Variants in IGSF3 observed in about 807,000 individuals in gnomAD.
The protein encoded by IGSF3 is glu-Trp-Ile EWI motif-containing protein 3.
IGSF3 carries 23 observed loss-of-function variants against 114.4 expected under a neutral mutation model. The observed-to-expected ratio is 0.20, with a 90% CI of 0.14 to 0.28. The LOEUF is 0.28. IGSF3 is among the 10% of genes least tolerant of loss of function. IGSF3 has a pLI of 1.00. For synonymous variants in IGSF3, 571 were observed against 645.2 expected (o/e 0.88, Z 1.74); for missense variants, 1,172 against 1,591.5 (o/e 0.74, Z 4.48).
chr1:116,609,355 TC>T (rs1660924206), intron 4 of IGSF3, among the ~76,000 whole-genome samples: 1 of 152,028 alleles, frequency 6.6e-6, no homozygotes, highest in African/African-American at 2.4e-5. Flanking sequence ...CCAGCCATCC[TC>T]CCACCTCAGC....
intron 2 of IGSF3, among the ~76,000 whole-genome samples, chr1:116,659,789 T>C (rs964194069): frequency 2.0e-5 from 3 of 152,222 alleles, no homozygotes; most frequent in Non-Finnish European, 4.4e-5. Flanking sequence ...CTAATGTTTT[T>C]GATTTTTAGT....
chr1:116,579,647 G>GGTCGTC lies in IGSF3; in HGVS notation c.3073_3078dup (p.Asp1025_Asp1026dup), dbSNP rs531457319. ...CTCAGCAGGGCCGTCCGCTCTGTTGGGTCGTCGTCGTCGTCGTCGTCCTCC... is the reference window on the plus strand; with the variant it reads ...CTCAGCAGGGCCGTCCGCTCTGTTGGGTCGTCGTCGTCGTCGTCGTCGTCGTCCTCC... On this transcript the variant is annotated inframe_insertion, in exon 10 of 11. Transcript: ENST00000369486. This position sits in a 1 kb window ranked among gnomAD's most constrained non-coding sequence, Gnocchi z 6.4. 232 of 1,595,828 alleles carry GGTCGTC rather than the reference G, an allele frequency of 1.5e-4. No homozygotes were observed. The African/African-American group carries it at 1.7e-3, about 12-fold the overall frequency.
chr1:116,604,825 C>A (rs867278422), intron 5 of IGSF3, among the ~76,000 whole-genome samples: 3 of 152,186 alleles, frequency 2.0e-5, no homozygotes, highest in Non-Finnish European at 4.4e-5. Context: ...TATCTGAATT[C>A]ACTCAATCAA....
At chr1:116,641,495 C>CAAA (rs57930787) in intron 2 of IGSF3, among the ~76,000 whole-genome samples, 494 of 39,286 alleles carry the variant, frequency 0.013, 2 homozygotes, top group Non-Finnish European at 0.014. Context: ...GACTCTGTCT[C>CAAA]AAAAAAAAAA....
chr1:116,579,578 C>T lies in IGSF3; in HGVS notation c.3148G>A (p.Glu1050Lys). The T allele has an allele frequency of 6.2e-7, 1 of 1,614,196 alleles. No homozygotes were observed. Among genetic ancestry groups the T allele is most frequent in the Non-Finnish European group, 8.5e-7 (1 of 1,180,042 alleles). The change falls in exon 10 of 11, where the codon GAG (glutamate) becomes AAG (lysine). Residue 1050 changes from glutamate (E) to lysine (K), a missense_variant. Physicochemically the swap from Glu to Lys is moderately conservative, Grantham distance 56 (BLOSUM62 1). Coordinates refer to ENST00000369486, the MANE Select transcript of IGSF3 (RefSeq NM_001007237.3). The surrounding 1 kb of genome is among the most constrained non-coding windows in gnomAD (Gnocchi z 6.4). ...AGCCTCTGGAAGCGAAGCCTGCCCT[C>T]CCAAGGACTGCCCTCTGGGCCAAAG... is the stretch of plus-strand genomic sequence containing the variant. ...AVFGPEGSPW[E>K]GRLRFQRLSP...
Position 116,627,829 on chromosome 1 carries a change from T to TA in IGSF3, c.44-11373dup, listed in dbSNP as rs1647367439. ...ACACTAGGCCATGGAGACACAAAAC[T>TA]AGAAAATGGGGCTGCCTAGCTAGGA... On this transcript the variant is annotated intron_variant, in intron 2 of 10. Transcript: ENST00000369486. The surrounding 1 kb of genome is among the most constrained non-coding windows in gnomAD (Gnocchi z 4.7). Among the ~76,000 whole-genome samples, 1 of 151,996 alleles carries TA rather than the reference T, an allele frequency of 6.6e-6. No individual in the cohort carries two copies. The highest frequency in any genetic ancestry group is 2.4e-5 in the African/African-American group (1 of 41,366).
rs1338002281 is a variant in IGSF3 at position 116,625,840 on chromosome 1, G to A, written c.44-9383C>T. On this transcript the variant is annotated intron_variant, in intron 2 of 10. Coordinates refer to ENST00000369486, the MANE Select transcript of IGSF3 (RefSeq NM_001007237.3). This position sits in a 1 kb window ranked among gnomAD's most constrained non-coding sequence, Gnocchi z 4.7. The stretch of plus-strand genomic sequence containing the variant: ...TTATTGATACTACTTCTAAGAAGAT[G>A]TAACTGCCAGCTACAGAACCATCCA... Among the ~76,000 whole-genome samples, 2 of 152,224 alleles carry A rather than the reference G, an allele frequency of 1.3e-5. No individual in the cohort carries two copies. Among genetic ancestry groups the A allele is most frequent in the East Asian group, 1.9e-4 (1 of 5,206 alleles).
chr1:116,630,207 C>T (rs1647493850), intron 2 of IGSF3, among the ~76,000 whole-genome samples: 1 of 152,178 alleles, frequency 6.6e-6, no homozygotes, highest in Non-Finnish European at 1.5e-5. Context: ...TGGTGGCAAG[C>T]CCTGCCCAGA....
At chr1:116,591,093 C>G (rs1446095137) in intron 7 of IGSF3, among the ~76,000 whole-genome samples, 1 of 151,626 alleles carries the variant, frequency 6.6e-6, no homozygotes, top group Non-Finnish European at 1.5e-5. Flanking sequence ...CAATCTTCTG[C>G]CTTCTCCCTT....
rs1464667021 is a variant in IGSF3, at chr1:116,647,695, G to T, written c.43+18589C>A. ...TGTTGTCTGGGCGGACAGAGGCAAG[G>T]ATGACCGGAACAAGACAAACAAACG... On this transcript the variant is annotated intron_variant, in intron 2 of 10. Coordinates refer to ENST00000369486, the MANE Select transcript of IGSF3 (RefSeq NM_001007237.3). The surrounding 1 kb of genome is among the most constrained non-coding windows in gnomAD (Gnocchi z 4.6). Among the ~76,000 whole-genome samples, 1 of 152,222 alleles carries T rather than the reference G, an allele frequency of 6.6e-6. No homozygotes were observed. Among genetic ancestry groups the T allele is most frequent in the African/African-American group, 2.4e-5 (1 of 41,444 alleles).
Position 116,616,452 on chromosome 1 carries a change from C to T in IGSF3, c.49G>A (p.Val17Met). 7 of 1,591,332 alleles carry T rather than the reference C, an allele frequency of 4.4e-6. No individual in the cohort carries two copies. Among genetic ancestry groups the T allele is most frequent in the Non-Finnish European group, 6.0e-6 (7 of 1,164,298 alleles). The change falls in exon 3 of 11, where the codon GTG becomes ATG. Residue 17 changes from valine to methionine, a missense_variant. Transcript: ENST00000369486. The surrounding 1 kb of genome is among the most constrained non-coding windows in gnomAD (Gnocchi z 6.6). ...ACGGTGACCTGCCGCTGTGCTGACACCACACCTACGAGGGAGAGAAACACA... is the reference window on the plus strand; with the variant it reads ...ACGGTGACCTGCCGCTGTGCTGACATCACACCTACGAGGGAGAGAAACACA... ...VLSCLAVLGV[V>M]SAQRQVTVQE...
In IGSF3 at chr1:116,588,809, G is replaced by A. The variant is rs774310430; in HGVS notation, c.2325C>T (p.Ser775=). 9.3e-6 allele frequency: 15 copies of A among 1,613,906 alleles called. No individual in the cohort carries two copies. Among genetic ancestry groups the A allele is most frequent in the Admixed American group, 1.7e-5 (1 of 60,000 alleles). The part of the protein sequence containing the change: ...FSLTVQRAEV[S]DSGSYYCHVE... ...CGTGGCAGTAGTAGCTGCCGCTGTCGCTGACCTCGGCTCTCTGGACGGTGA... is the reference window on the plus strand; with the variant it reads ...CGTGGCAGTAGTAGCTGCCGCTGTCACTGACCTCGGCTCTCTGGACGGTGA... Residue 775 remains serine (S), a synonymous_variant, in exon 8 of 11, where the codon AGC becomes AGT. Transcript: ENST00000369486. This position sits in a 1 kb window ranked among gnomAD's most constrained non-coding sequence, Gnocchi z 4.9.
At position 116,615,988 on chromosome 1, in the gene IGSF3, T is replaced by C. The variant is rs573133285; in HGVS notation, c.421+92A>G. 1.5e-3 allele frequency: 1,754 copies of C among 1,135,144 alleles called. 2 individuals are homozygous for C. The highest frequency in any genetic ancestry group is 1.6e-3 in the Non-Finnish European group (1,248 of 798,238). 70.3% of individuals were successfully genotyped at this position (1,135,144 alleles called of 1,614,324 possible). ...TATGTTGGGAGTTTTGGGATTTTTT[T>C]TAAAGTCAAATGCATGGCATAAAGC... On this transcript the variant is annotated intron_variant, in intron 3 of 10. Coordinates refer to ENST00000369486, the MANE Select transcript of IGSF3 (RefSeq NM_001007237.3). The surrounding 1 kb of genome is among the most constrained non-coding windows in gnomAD (Gnocchi z 4.3).
At chr1:116,578,430 T>A (rs1659449364) in intron 10 of IGSF3, among the ~76,000 whole-genome samples, 1 of 152,226 alleles carries the variant, frequency 6.6e-6, no homozygotes, top group Non-Finnish European at 1.5e-5. Context: ...CTCATCAGTA[T>A]TATTAAGAAC....
At chr1:116,609,595 C>T (rs1409442782) in intron 4 of IGSF3, among the ~76,000 whole-genome samples, 1 of 152,086 alleles carries the variant, frequency 6.6e-6, no homozygotes, top group Non-Finnish European at 1.5e-5. Flanking sequence ...GGAGCTGTGA[C>T]CACTGCCCAG....
intron 1 of IGSF3, 43 bp downstream of exon 1, chr1:116,667,575 G>GGGGCCCCCTCCGGGCGCCGCCC (rs2101098784): frequency 1.1e-5 from 1 of 87,538 alleles, no homozygotes; most frequent in African/African-American, 4.1e-5. Flanking sequence ...CTCCCTCCCC[G>GGGGCCCCCTCCGGGCGCCGCCC]GGGCCCCCTC....
chr1:116,656,789 G>A (rs1477542218), intron 2 of IGSF3, among the ~76,000 whole-genome samples: 4 of 151,996 alleles, frequency 2.6e-5, no homozygotes, highest in African/African-American at 7.2e-5. Context: ...TTAGCCGGGC[G>A]TGGTGGAGGG....
In IGSF3 at chr1:116,610,325, G is replaced by T. The variant is rs1230414119; in HGVS notation, c.833-1994C>A. On this transcript the variant is annotated intron_variant, in intron 4 of 10. Transcript: ENST00000369486. This position sits in a 1 kb window ranked among gnomAD's most constrained non-coding sequence, Gnocchi z 4.3. ...CCAGGTTAGCCTGGCTGTAACTCTG[G>T]CTTTCTTCTTTCGGCGGCCAAAGAC... 6.6e-6 allele frequency among the ~76,000 whole-genome samples: 1 copy of T among 152,148 alleles called. No individual in the cohort carries two copies. The highest frequency in any genetic ancestry group is 2.4e-5 in the African/African-American group (1 of 41,410).
In IGSF3 at chr1:116,627,999, T is replaced by C. The variant is rs1385963035; in HGVS notation, c.44-11542A>G. Among the ~76,000 whole-genome samples the C allele has an allele frequency of 6.6e-6, 1 of 152,230 alleles. No homozygotes were observed. The highest frequency in any genetic ancestry group is 1.5e-5 in the Non-Finnish European group (1 of 68,038). On this transcript the variant is annotated intron_variant, in intron 2 of 10. Transcript: ENST00000369486. The surrounding 1 kb of genome is among the most constrained non-coding windows in gnomAD (Gnocchi z 4.7). ...CTCCTGACTCTGCCCAAGGCACTGCTGTGACCCTCTCAGCAGTGGAAGCAC... is the reference window on the plus strand; with the variant it reads ...CTCCTGACTCTGCCCAAGGCACTGCCGTGACCCTCTCAGCAGTGGAAGCAC...
Sources: allele counts gnomAD v4.1 joint callset (sites outside exome capture counted in the v4.1 genomes callset), GRCh38; gene constraint gnomAD v4.1.1; non-coding constraint Gnocchi (gnomAD v3.1); transcripts MANE v1.5; gene names NCBI Gene and HGNC (gene_info 2026-07-23, HGNC 2026-07-21).